Variants in HS6ST1 observed in about 807,000 individuals in gnomAD.
The protein encoded by HS6ST1 is heparan sulfate 6-O-sulfotransferase 1.
In HS6ST1, 3 loss-of-function variants were observed where a neutral mutation model predicts 25.2. That is an observed-to-expected ratio of 0.12 (90% CI 0.05 to 0.31). The LOEUF is 0.31. Among genes scored for constraint, HS6ST1 ranks in the 10% least tolerant of loss-of-function variants. The pLI, the probability that HS6ST1 is intolerant of heterozygous loss-of-function variation, is 1.00. For synonymous variants in HS6ST1, 204 were observed against 275.1 expected (o/e 0.74, Z 2.56); for missense variants, 310 against 609.6 (o/e 0.51, Z 5.18).
At chr2:128,288,722 C>T (rs1182275039) in intron 1 of HS6ST1, among the ~76,000 whole-genome samples, 2 of 152,144 alleles carry the variant, frequency 1.3e-5, no homozygotes, top group East Asian at 3.9e-4. Context: ...GACTTTCTCA[C>T]AGGAGGTAGG....
intron 1 of HS6ST1, 86 bp from the exon 2 acceptor site, chr2:128,268,956 A>G: frequency 8.5e-7 from 1 of 1,169,802 alleles, no homozygotes; most frequent in Non-Finnish European, 1.2e-6. Flanking sequence ...AGTCCCCACT[A>G]CAGGAGTTTG....
intron 1 of HS6ST1, among the ~76,000 whole-genome samples, chr2:128,277,754 A>G (rs2104915196): frequency 6.6e-6 from 1 of 152,384 alleles, no homozygotes; most frequent in East Asian, 1.9e-4. Context: ...TGTGAAACTC[A>G]CATGGATTTC....
intron 1 of HS6ST1, among the ~76,000 whole-genome samples, chr2:128,301,006 C>T (rs1164088317): frequency 6.6e-6 from 1 of 152,234 alleles, no homozygotes; most frequent in Non-Finnish European, 1.5e-5. Context: ...AATGGGAGCC[C>T]TGGGTCACAA....
intron 1 of HS6ST1, among the ~76,000 whole-genome samples, chr2:128,285,530 A>G (rs1408335169): frequency 1.3e-5 from 2 of 152,188 alleles, no homozygotes; most frequent in Admixed American, 6.5e-5. Context: ...CAGCTCTGCT[A>G]CCCTGAGGAC....
At chr2:128,271,043 T>A (rs1461871362) in intron 1 of HS6ST1, among the ~76,000 whole-genome samples, 1 of 152,194 alleles carries the variant, frequency 6.6e-6, no homozygotes, top group Non-Finnish European at 1.5e-5. Context: ...GCCCAAGGCA[T>A]GCCTCCATCA....
At chr2:128,270,497 C>T (rs1203884577) in intron 1 of HS6ST1, among the ~76,000 whole-genome samples, 1 of 152,222 alleles carries the variant, frequency 6.6e-6, no homozygotes, top group African/African-American at 2.4e-5. Flanking sequence ...CCTCAAGGGC[C>T]AGAGGGCGGG....
intron 1 of HS6ST1, among the ~76,000 whole-genome samples, chr2:128,310,553 T>C (rs1011784245): frequency 6.6e-6 from 1 of 151,782 alleles, no homozygotes; most frequent in African/African-American, 2.4e-5. Flanking sequence ...AGAGCTGTCC[T>C]GGATGGTTTT....
intron 1 of HS6ST1, among the ~76,000 whole-genome samples, chr2:128,292,825 T>C (rs1376206593): frequency 6.6e-6 from 1 of 151,660 alleles, no homozygotes; most frequent in Non-Finnish European, 1.5e-5. Flanking sequence ...AGGGGTGCTA[T>C]CAGCTGACGG....
At chr2:128,316,552 C>A (rs1013463144) in intron 1 of HS6ST1, among the ~76,000 whole-genome samples, 7 of 152,180 alleles carry the variant, frequency 4.6e-5, no homozygotes, top group African/African-American at 1.7e-4. Context: ...GCAGCAGGAA[C>A]GTGCATCTGT....
intron 1 of HS6ST1, among the ~76,000 whole-genome samples, chr2:128,280,311 G>A (rs908339200): frequency 6.6e-6 from 1 of 152,256 alleles, no homozygotes; most frequent in Non-Finnish European, 1.5e-5. Context: ...CTCAGGCGCA[G>A]CTCTCCAGGG....
At chr2:128,312,017 G>T (rs150907826) in intron 1 of HS6ST1, among the ~76,000 whole-genome samples, 1,722 of 152,350 alleles carry the variant, frequency 0.011, 15 homozygotes, top group Non-Finnish European at 0.02. Context: ...CAGGCATGAT[G>T]CCTGTCCTTC....
At chr2:128,292,591 C>T (rs546818619) in intron 1 of HS6ST1, among the ~76,000 whole-genome samples, 10 of 152,220 alleles carry the variant, frequency 6.6e-5, no homozygotes, top group African/African-American at 2.2e-4. Context: ...GCCAGGCTCA[C>T]GGGGAGGCTG....
chr2:128,279,802 G>C (rs1425043793), intron 1 of HS6ST1, among the ~76,000 whole-genome samples: 1 of 152,162 alleles, frequency 6.6e-6, no homozygotes, highest in Non-Finnish European at 1.5e-5. Flanking sequence ...TCTCTCAACA[G>C]AACAAAACCT....
intron 1 of HS6ST1, among the ~76,000 whole-genome samples, chr2:128,269,559 G>T (rs1232425183): frequency 2.0e-5 from 3 of 152,248 alleles, no homozygotes; most frequent in Non-Finnish European, 4.4e-5. Context: ...TGCCAGGCTC[G>T]CTATGACGCT....
intron 1 of HS6ST1, among the ~76,000 whole-genome samples, chr2:128,282,595 G>A (rs938606396): frequency 2.6e-5 from 4 of 152,246 alleles, no homozygotes; most frequent in Non-Finnish European, 5.9e-5. Flanking sequence ...CGAGGCAGGA[G>A]GGCATGTCGG....
intron 1 of HS6ST1, among the ~76,000 whole-genome samples, chr2:128,300,503 G>T (rs1290505949): frequency 6.6e-6 from 1 of 152,222 alleles, no homozygotes; most frequent in East Asian, 1.9e-4. Flanking sequence ...GTGCACGGGG[G>T]TATCTCTGGG....
At chr2:128,301,365 C>A (rs1694122858) in intron 1 of HS6ST1, among the ~76,000 whole-genome samples, 1 of 152,132 alleles carries the variant, frequency 6.6e-6, no homozygotes, top group East Asian at 1.9e-4. Flanking sequence ...CCATGTGGCT[C>A]CAGGCTACCC....
At chr2:128,303,543 CT>C (rs1694165590) in intron 1 of HS6ST1, among the ~76,000 whole-genome samples, 1 of 152,254 alleles carries the variant, frequency 6.6e-6, no homozygotes, top group African/African-American at 2.4e-5. Context: ...GCACACGCAC[CT>C]GTCTGGGCCC....
chr2:128,293,555 G>T (rs544787949), intron 1 of HS6ST1, among the ~76,000 whole-genome samples: 1 of 152,346 alleles, frequency 6.6e-6, no homozygotes, highest in South Asian at 2.1e-4. Flanking sequence ...GCAGACCATG[G>T]TCCGAGGGGC....
Sources: allele counts gnomAD v4.1 joint callset (sites outside exome capture counted in the v4.1 genomes callset), GRCh38; gene constraint gnomAD v4.1.1; transcripts MANE v1.5; gene names NCBI Gene and HGNC (gene_info 2026-07-23, HGNC 2026-07-21).